PDE4D: variants seen among roughly 807,000 people sequenced by gnomAD.
PDE4D encodes phosphodiesterase 4D, also known as 3',5'-cyclic-AMP phosphodiesterase 4D.
In PDE4D, 24 loss-of-function variants were observed where a neutral mutation model predicts 87.4. That is an observed-to-expected ratio of 0.27 (90% CI 0.20 to 0.39). The LOEUF (loss-of-function observed/expected upper bound fraction) is 0.39. Among genes scored for constraint, PDE4D ranks in the 10% least tolerant of loss-of-function variants. The probability of loss-of-function intolerance (pLI) is 1.00; values close to 1 mark genes in which losing one functional copy is unlikely to be tolerated. For synonymous variants in PDE4D, 384 were observed against 383.2 expected (o/e 1.00, Z -0.02); for missense variants, 714 against 1,041.0 (o/e 0.69, Z 4.32).
chr5:59,933,809 A>G (rs1756260232), intron 3 of PDE4D, among the ~76,000 whole-genome samples: 1 of 146,350 alleles, frequency 6.8e-6, no homozygotes, highest in African/African-American at 2.7e-5. Flanking sequence ...CATTCATATA[A>G]AAGATAATAA....
chr5:59,863,379 TA>T (rs1232462799), intron 1 of PDE4D, among the ~76,000 whole-genome samples: 4 of 152,202 alleles, frequency 2.6e-5, no homozygotes, highest in East Asian at 1.9e-4. Context: ...AATTTCTTAC[TA>T]TTTTTTTTTC....
chr5:59,373,012 G>GA (rs35836561), intron 1 of PDE4D, among the ~76,000 whole-genome samples: 50,640 of 147,752 alleles, frequency 0.34, 8,616 homozygotes, highest in Middle Eastern at 0.44. Context: ...AGGATAAAAG[G>GA]AAAAAAAAAA....
intron 1 of PDE4D, among the ~76,000 whole-genome samples, chr5:60,434,875 A>G (rs1215859289): frequency 1.3e-5 from 2 of 152,104 alleles, no homozygotes; most frequent in Admixed American, 1.3e-4. Context: ...GAACCCTGCA[A>G]AGAAAATGCT....
intron 1 of PDE4D, among the ~76,000 whole-genome samples, chr5:60,364,205 C>A (rs1482758842): frequency 2.6e-5 from 4 of 152,188 alleles, no homozygotes; most frequent in Admixed American, 2.6e-4. Context: ...TCACACTTGT[C>A]TTTTCAGAAA....
At chr5:59,753,756 C>A (rs1760822686) in intron 1 of PDE4D, among the ~76,000 whole-genome samples, 1 of 152,128 alleles carries the variant, frequency 6.6e-6, no homozygotes, top group African/African-American at 2.4e-5. Flanking sequence ...GAGGGATGAG[C>A]ATCAATTTCA....
intron 1 of PDE4D, among the ~76,000 whole-genome samples, chr5:60,408,580 T>G (rs1044891325): frequency 2.0e-5 from 3 of 152,200 alleles, no homozygotes; most frequent in African/African-American, 7.2e-5. Flanking sequence ...CATATGCAAA[T>G]GGAGGGCCTG....
intron 1 of PDE4D, among the ~76,000 whole-genome samples, chr5:59,521,711 A>G (rs1034152028): frequency 2.6e-5 from 4 of 152,254 alleles, no homozygotes; most frequent in African/African-American, 9.6e-5. Flanking sequence ...CTGTTCTAAC[A>G]CTAACTTCTT....
intron 1 of PDE4D, among the ~76,000 whole-genome samples, chr5:60,199,346 T>C (rs1375000434): frequency 6.6e-6 from 1 of 151,784 alleles, no homozygotes; most frequent in East Asian, 1.9e-4. Context: ...TATCTGTAAC[T>C]GGAGCCTGTG....
At chr5:60,413,840 A>G (rs1050725592) in intron 1 of PDE4D, among the ~76,000 whole-genome samples, 3 of 151,914 alleles carry the variant, frequency 2.0e-5, no homozygotes, top group South Asian at 2.1e-4. Flanking sequence ...TGTAACTACT[A>G]TTTCCATCCA....
Position 59,038,943 on chromosome 5 carries a change from C to T in PDE4D, c.837G>A (p.Glu279=). 6.3e-7 allele frequency: 1 copy of T among 1,598,500 alleles called. No individual in the cohort carries two copies. Among genetic ancestry groups the T allele is most frequent in the Non-Finnish European group, 8.5e-7 (1 of 1,172,084 alleles). The stretch of plus-strand genomic sequence containing the variant: ...GACACCAGTCCAGCTCCTCCAGGGT[C>T]TCGCTGGCCAGTTTCTGGTAGGCCT... The part of the protein sequence containing the change: ...TEEAYQKLAS[E]TLEELDWCLD... The change falls in exon 6 of 15, where the codon GAG becomes GAA. Residue 279 remains glutamate (E), a synonymous_variant. Coordinates refer to ENST00000340635, the MANE Select transcript of PDE4D (RefSeq NM_001104631.2).
In PDE4D at chr5:59,134,697, A is replaced by C. The variant is rs111639366; in HGVS notation, c.808+45898T>G. Reference sequence around the variant, plus strand: ...CTTGCACATAATTATCCAAAATTGCAGTTTTTCCAACAGGGGACCCACAGT... The same window carrying C: ...CTTGCACATAATTATCCAAAATTGCCGTTTTTCCAACAGGGGACCCACAGT... On this transcript the variant is annotated intron_variant, in intron 5 of 14. Coordinates refer to ENST00000340635, the MANE Select transcript of PDE4D (RefSeq NM_001104631.2). 2.4e-3 allele frequency among the ~76,000 whole-genome samples: 365 copies of C among 152,318 alleles called. 5 individuals carry two copies. The highest frequency in any genetic ancestry group is 7.3e-3 in the African/African-American group (302 of 41,582).
chr5:59,433,669 G>A (rs911352457), intron 1 of PDE4D, among the ~76,000 whole-genome samples: 1 of 151,966 alleles, frequency 6.6e-6, no homozygotes, highest in Non-Finnish European at 1.5e-5. Context: ...ACCCATCTAT[G>A]TTTTGTTTGT....
chr5:59,154,470 CTA>C (rs1487784923), intron 5 of PDE4D, among the ~76,000 whole-genome samples: 1 of 152,120 alleles, frequency 6.6e-6, no homozygotes, highest in Admixed American at 6.5e-5. Context: ...TTCAAAAACA[CTA>C]TTTCAGGTAC....
At chr5:60,133,002 T>C (rs1400867170) in intron 2 of PDE4D, among the ~76,000 whole-genome samples, 1 of 152,166 alleles carries the variant, frequency 6.6e-6, no homozygotes, top group East Asian at 1.9e-4. Flanking sequence ...GTGTAGTCCA[T>C]TGCCTCTCTC....
chr5:59,220,934 C>T (rs1040154399), intron 1 of PDE4D, among the ~76,000 whole-genome samples: 4 of 151,936 alleles, frequency 2.6e-5, no homozygotes, highest in African/African-American at 9.7e-5. Flanking sequence ...TAAAAATTAC[C>T]AAGTTTAATG....
intron 1 of PDE4D, chr5:60,448,588 C>T (rs1263952835): frequency 3.3e-5 from 5 of 152,126 alleles, no homozygotes; most frequent in Admixed American, 2.6e-4. Context: ...TTTTCCCCCA[C>T]GTTTCATCAA....
intron 1 of PDE4D, among the ~76,000 whole-genome samples, chr5:59,451,938 G>C (rs1799225355): frequency 6.6e-6 from 1 of 152,094 alleles, no homozygotes; most frequent in Non-Finnish European, 1.5e-5. Context: ...TCTAAAATAT[G>C]CCTCATTTTC....
chr5:59,334,254 T>TTTTTG (rs1777261053), intron 1 of PDE4D, among the ~76,000 whole-genome samples: 1 of 68,152 alleles, frequency 1.5e-5, no homozygotes, highest in Admixed American at 1.3e-4. Flanking sequence ...GGAGTTTTTT[T>TTTTTG]TTTTTTTTTT....
At chr5:59,326,026 C>A (rs1775575506) in intron 1 of PDE4D, among the ~76,000 whole-genome samples, 1 of 151,902 alleles carries the variant, frequency 6.6e-6, no homozygotes, top group African/African-American at 2.4e-5. Flanking sequence ...GACAGAAAAC[C>A]AAACACCGCA....
Sources: gnomAD v4.1 joint callset for allele counts (sites outside exome capture counted in the v4.1 genomes callset) on GRCh38, gnomAD v4.1.1 for gene constraint, MANE v1.5 for transcripts, NCBI Gene and HGNC (gene_info 2026-07-23, HGNC 2026-07-21) for gene names.